MRTFA: variants seen among roughly 807,000 people sequenced by gnomAD.
MRTFA encodes myocardin related transcription factor A.
MRTFA carries 20 observed loss-of-function variants against 83.5 expected under a neutral mutation model. The ratio of observed to expected loss-of-function variants is 0.24; its 90% CI spans 0.17 to 0.35. MRTFA has a LOEUF of 0.35. Ranked by LOEUF, MRTFA falls within the 10% of genes least tolerant of loss-of-function variation. The probability of loss-of-function intolerance (pLI) is 1.00; values close to 1 mark genes in which losing one functional copy is unlikely to be tolerated. For missense variants in MRTFA, 1,200 were observed against 1,224.7 expected (o/e 0.98, Z 0.30); for synonymous variants, 659 against 541.2 (o/e 1.22, Z -3.02).
chr22:40,416,049 T>C lies in MRTFA; in HGVS notation c.2578+937A>G, dbSNP rs2052672308. On this transcript the variant is annotated intron_variant, in intron 14 of 14. Transcript: ENST00000355630. The surrounding 1 kb of genome is among the most constrained non-coding windows in gnomAD (Gnocchi z 4.2). Reference sequence around the variant, plus strand: ...CCTCTCTCACAAATGCCACTTGATGTCAACTGTCCCTGTGAACCCTCCATT... The same window carrying C: ...CCTCTCTCACAAATGCCACTTGATGCCAACTGTCCCTGTGAACCCTCCATT... Among the ~76,000 whole-genome samples the C allele has an allele frequency of 6.6e-6, 1 of 152,090 alleles. No individual in the cohort carries two copies. The highest frequency in any genetic ancestry group is 2.4e-5 in the African/African-American group (1 of 41,394).
intron 1 of MRTFA, among the ~76,000 whole-genome samples, chr22:40,611,725 AAAAC>A (rs1164205454): frequency 6.6e-6 from 1 of 152,208 alleles, no homozygotes; most frequent in African/African-American, 2.4e-5. Flanking sequence ...TGTTTGAAGA[AAAAC>A]AGACTAATTC....
intron 1 of MRTFA, among the ~76,000 whole-genome samples, chr22:40,617,748 A>G (rs2056471104): frequency 6.6e-6 from 1 of 151,716 alleles, no homozygotes. Flanking sequence ...AGAAAAAAAA[A>G]GAAAGAAAGA....
chr22:40,420,309 G>A, intron 11 of MRTFA, 96 bp downstream of exon 11: 1 of 1,425,510 alleles, frequency 7.0e-7, no homozygotes, highest in Non-Finnish European at 9.6e-7. Context: ...GTGGGTCCTA[G>A]GCTGGCTGCC....
chr22:40,523,892 C>T (rs563123430), intron 3 of MRTFA, among the ~76,000 whole-genome samples: 11 of 151,992 alleles, frequency 7.2e-5, no homozygotes, highest in Admixed American at 1.3e-4. Context: ...ATAATCTTAT[C>T]GATTCCCAAG....
chr22:40,507,970 C>T (rs1486467636), intron 3 of MRTFA, among the ~76,000 whole-genome samples: 2 of 81,512 alleles, frequency 2.5e-5, no homozygotes, highest in African/African-American at 5.3e-5. Context: ...AAGACTCCAC[C>T]TCAAAAAAAA....
chr22:40,558,376 G>A (rs900481451), intron 2 of MRTFA, among the ~76,000 whole-genome samples: 2 of 150,194 alleles, frequency 1.3e-5, no homozygotes, highest in Admixed American at 6.7e-5. Flanking sequence ...CAAAGTGCTA[G>A]GATTACAGGA....
chr22:40,437,561 A>T (rs2053194951), intron 4 of MRTFA, among the ~76,000 whole-genome samples: 1 of 152,104 alleles, frequency 6.6e-6, no homozygotes, highest in African/African-American at 2.4e-5. Flanking sequence ...GGAGTTCGAG[A>T]CGAGCCTGGC....
intron 2 of MRTFA, among the ~76,000 whole-genome samples, chr22:40,591,534 C>T (rs151238309): frequency 3.2e-4 from 49 of 152,226 alleles, no homozygotes; most frequent in Non-Finnish European, 6.3e-4. Flanking sequence ...AAAATGTGCG[C>T]CTTACTTCAA....
chr22:40,629,987 G>T (rs1217883600), intron 1 of MRTFA, among the ~76,000 whole-genome samples: 1 of 151,910 alleles, frequency 6.6e-6, no homozygotes, highest in Non-Finnish European at 1.5e-5. Context: ...GGCTGAGTTT[G>T]AGGGACAAGG....
intron 2 of MRTFA, among the ~76,000 whole-genome samples, chr22:40,566,092 G>T (rs1470152153): frequency 6.6e-6 from 1 of 152,194 alleles, no homozygotes; most frequent in African/African-American, 2.4e-5. Flanking sequence ...CATGAGGCAG[G>T]AATGAGCTTG....
At chr22:40,507,292 T>G (rs147211717) in intron 3 of MRTFA, among the ~76,000 whole-genome samples, 15 of 152,046 alleles carry the variant, frequency 9.9e-5, no homozygotes, top group Non-Finnish European at 1.9e-4. Flanking sequence ...GCCTGAGAGT[T>G]CGAGGCTGCA....
intron 3 of MRTFA, among the ~76,000 whole-genome samples, chr22:40,466,255 G>C (rs531093223): frequency 4.6e-5 from 7 of 152,286 alleles, no homozygotes; most frequent in African/African-American, 1.7e-4. Context: ...AATAATAAAT[G>C]AGTGTGCTAC....
chr22:40,606,533 G>A (rs1569349590), intron 1 of MRTFA, among the ~76,000 whole-genome samples: 1 of 152,190 alleles, frequency 6.6e-6, no homozygotes, highest in Admixed American at 6.6e-5. Flanking sequence ...CTATTAAGTA[G>A]CTTCCATGGT....
intron 2 of MRTFA, among the ~76,000 whole-genome samples, chr22:40,556,996 A>G (rs2055535340): frequency 6.6e-6 from 1 of 152,222 alleles, no homozygotes. Context: ...GTTTTCAATA[A>G]ACAGCTGTTA....
In MRTFA at chr22:40,411,477, G is replaced by A. The variant is rs774600746; in HGVS notation, c.3009C>T (p.Ala1003=). ...GGCTGGGGGCTGTGGTGCTGAGGGG[G>A]GCTAGGCTCAGCACGGGACCACCTG... Residue 1003 remains alanine, a synonymous_variant, in exon 15 of 15, where the codon GCC becomes GCT. Transcript: ENST00000355630. 12 of 1,608,626 alleles carry A rather than the reference G, an allele frequency of 7.5e-6. No homozygotes were observed. The highest frequency in any genetic ancestry group is 1.7e-4 in the Middle Eastern group (1 of 6,046).
chr22:40,457,486 G>GAA (rs750318222), intron 4 of MRTFA, among the ~76,000 whole-genome samples: 2 of 127,828 alleles, frequency 1.6e-5, no homozygotes, highest in Non-Finnish European at 1.8e-5. Context: ...AAGAAAGAAA[G>GAA]AAGGAAAGAA....
At chr22:40,414,939 C>T (rs577873943) in intron 14 of MRTFA, 2 of 152,296 alleles carry the variant, frequency 1.3e-5, no homozygotes, top group East Asian at 3.9e-4. Flanking sequence ...TTCTGGCCCC[C>T]CCTGTCCTGG....
intron 1 of MRTFA, among the ~76,000 whole-genome samples, chr22:40,626,469 T>C (rs1225259651): frequency 6.6e-6 from 1 of 152,120 alleles, no homozygotes; most frequent in African/African-American, 2.4e-5. Flanking sequence ...TTTTTTGTAT[T>C]TTTTGTAGAG....
chr22:40,457,188 A>T (rs1274936674), intron 4 of MRTFA, among the ~76,000 whole-genome samples: 1 of 152,088 alleles, frequency 6.6e-6, no homozygotes, highest in African/African-American at 2.4e-5. Context: ...AACATGGCGA[A>T]ACCACGTCTC....
Sources: gnomAD v4.1 joint callset for allele counts (sites outside exome capture counted in the v4.1 genomes callset) on GRCh38, gnomAD v4.1.1 for gene constraint, Gnocchi (gnomAD v3.1) non-coding constraint, MANE v1.5 for transcripts, NCBI Gene and HGNC (gene_info 2026-07-23, HGNC 2026-07-21) for gene names.